Variants in MST1 observed in about 807,000 individuals in gnomAD.
MST1 encodes macrophage stimulating 1, also known as hepatocyte growth factor-like protein.
Under a neutral mutation model 100.1 loss-of-function variants are expected in MST1, and 76 were observed. The observed-to-expected ratio is 0.76, with a 90% confidence interval of 0.63 to 0.92. The LOEUF is 0.92. Among genes scored for constraint, MST1 ranks in the 40% least tolerant of loss-of-function variants. The pLI is 0.00. For synonymous variants in MST1, 352 were observed against 385.4 expected (o/e 0.91, Z 1.01); for missense variants, 850 against 990.0 (o/e 0.86, Z 1.90).
chr3:49,686,772 A>G lies in MST1; in HGVS notation c.759T>C (p.Tyr253=), dbSNP rs2053794190. ...KFLDQGLDDN[Y]CRNPDGSERP... ...GCTCGGAGCCGTCAGGATTCCGGCA[A>G]TAGTTGTCGTCCAGACCTTGGTCGA... Residue 253 remains tyrosine, a synonymous_variant, in exon 7 of 18, where the codon TAT becomes TAC. Transcript: ENST00000449682. 1.2e-6 allele frequency: 2 copies of G among 1,611,382 alleles called. No homozygotes were observed. Among genetic ancestry groups the G allele is most frequent in the African/African-American group, 1.3e-5 (1 of 74,988 alleles).
chr3:49,688,634 G>A lies in MST1; in HGVS notation c.58C>T (p.Leu20Phe), dbSNP rs1159962057. Residue 20 changes from leucine (L) to phenylalanine (F), a missense_variant, in exon 1 of 18, where the codon CTC becomes TTC. Leu to Phe is a conservative substitution (Grantham distance 22). Coordinates refer to ENST00000449682, the MANE Select transcript of MST1 (RefSeq NM_020998.4). ...AAGCATTGAGTCAGAAGCAGCAGGA[G>A]TGGGAGCCACCCCATCCTTCTGGCT... ...PPARRMGWLP[L>F]LLLLTQCLGV... 6.2e-7 allele frequency: 1 copy of A among 1,612,222 alleles called. No homozygotes were observed. Among genetic ancestry groups the A allele is most frequent in the Non-Finnish European group, 8.5e-7 (1 of 1,179,606 alleles).
rs1458657820 is a variant in MST1 at position 49,684,179 on chromosome 3, C to T, written c.2027G>A (p.Gly676Glu). 2 of 1,612,412 alleles carry T rather than the reference C, an allele frequency of 1.2e-6. No individual in the cohort carries two copies. The highest frequency in any genetic ancestry group is 1.7e-6 in the Non-Finnish European group (2 of 1,179,446). ...APVGACEGDY[G>E]GPLACFTHNC... ...GTGGGTAAAGCAGGCAAGTGGGCCC[C>T]CGTAGTCACCCTGGCAGGTAGGAGA... The change falls in exon 18 of 18, where the codon GGG (glycine) becomes GAG (glutamate). Residue 676 changes from glycine to glutamate, a missense_variant. Around this residue, in one of 2 missense-constraint regions of MST1, gnomAD observed 816 missense variants for 924.6 expected, o/e 0.88. Coordinates refer to ENST00000449682, the MANE Select transcript of MST1 (RefSeq NM_020998.4).
rs779031051 is a variant in MST1, at chr3:49,685,931, G to C, written c.1179C>G (p.Arg393=). 1.2e-6 allele frequency: 2 copies of C among 1,609,652 alleles called. No individual in the cohort carries two copies. Among genetic ancestry groups the C allele is most frequent in the South Asian group, 2.2e-5 (2 of 90,916 alleles). ...CCTTGCGGGTCTTGCTGACCGTGCC[G>C]CGGTACTGCTCCCCTGCGCCGTGGT... The part of the protein sequence containing the change: ...DCYHGAGEQY[R]GTVSKTRKGV... The change falls in exon 10 of 18, where the codon CGC becomes CGG. Residue 393 remains arginine (R), a synonymous_variant. Transcript: ENST00000449682.
At position 49,685,726 on chromosome 3, in the gene MST1, C is replaced by G. The variant is rs200822737; in HGVS notation, c.1257G>C (p.Thr419=). Residue 419 remains threonine (T), a synonymous_variant, in exon 11 of 18, where the codon ACG becomes ACC. Coordinates refer to ENST00000449682, the MANE Select transcript of MST1 (RefSeq NM_020998.4). ...GTTGTGCATGCGGTTCGGAGGTAAACGTGAACCTAGGCGGAAGCGGGAGCA... is the reference window on the plus strand; with the variant it reads ...GTTGTGCATGCGGTTCGGAGGTAAAGGTGAACCTAGGCGGAAGCGGGAGCA... ...SAETPHKPQF[T]FTSEPHAQLE... is the part of the protein sequence containing the mutation. 11 of 1,613,216 alleles carry G rather than the reference C, an allele frequency of 6.8e-6. No homozygotes were observed. The East Asian group carries it at 2.5e-4, about 36-fold the overall frequency.
Position 49,686,075 on chromosome 3 carries a change from G to A in MST1, c.1134C>T (p.Asp378=), listed in dbSNP as rs1415390527. 3 of 1,610,324 alleles carry A rather than the reference G, an allele frequency of 1.9e-6. No individual in the cohort carries two copies. The highest frequency in any genetic ancestry group is 2.5e-6 in the Non-Finnish European group (3 of 1,179,352). ...CTTGGGCCTCACCCTGGGGCCGCAC[G>A]TCGTCTGTACAACGCCGGATCTGGT... ...FCYQIRRCTD[D]VRPQDCYHGA... Residue 378 remains aspartate (D), a synonymous_variant, in exon 9 of 18, where the codon GAC becomes GAT. Coordinates refer to ENST00000449682, the MANE Select transcript of MST1 (RefSeq NM_020998.4).
Position 49,686,301 on chromosome 3 carries a change from C to T in MST1, c.1016+12G>A, listed in dbSNP as rs761910565. 2 of 1,414,526 alleles carry T rather than the reference C, an allele frequency of 1.4e-6. No homozygotes were observed. Among genetic ancestry groups the T allele is most frequent in the Admixed American group, 2.0e-5 (1 of 51,122 alleles). The allele number at this position is 1,414,526 out of a possible 1,614,324, so 87.6% of individuals were successfully genotyped here. A position where few individuals can be genotyped will look rare whatever the true frequency, so the allele number is the denominator to read the frequency against. ...AGCACGTCCCAACGCCCGCCCCCCC[C>T]CCCCACCTCACTTGCACGCGTATTT... On this transcript the variant is annotated intron_variant, in intron 8 of 17. Transcript: ENST00000449682.
Position 49,684,340 on chromosome 3 carries a change from G to A in MST1, c.1990C>T (p.Leu664=), listed in dbSNP as rs193164866. The A allele has an allele frequency of 4.7e-4, 753 of 1,613,190 alleles. 6 individuals carry two copies. In the East Asian group the frequency reaches 0.014, roughly 31 times the overall value. Residue 664 remains leucine (L), a synonymous_variant, in exon 17 of 18, where the codon CTG becomes TTG. Coordinates refer to ENST00000449682, the MANE Select transcript of MST1 (RefSeq NM_020998.4). ...VRESEMCTEG[L]LAPVGACEGD... ...TCACAGGCCCCCACAGGGGCCAACAGTCCCTCAGTGCACATCTCACTCTCC... is the reference window on the plus strand; with the variant it reads ...TCACAGGCCCCCACAGGGGCCAACAATCCCTCAGTGCACATCTCACTCTCC...
At chr3:49,686,017 C>T (rs766060089) in intron 9 of MST1, 45 bp downstream of exon 9, 383 of 1,604,640 alleles carry the variant, frequency 2.4e-4, no homozygotes, top group Non-Finnish European at 2.7e-4. Context: ...CCCTCCGGTT[C>T]CAGGCTTCCA....
rs2053924094 is a variant in MST1, at chr3:49,687,870, T to C, written c.122A>G (p.Gln41Arg). 2 of 1,613,502 alleles carry C rather than the reference T, an allele frequency of 1.2e-6. No homozygotes were observed. Among genetic ancestry groups the C allele is most frequent in the Admixed American group, 3.3e-5 (2 of 60,012 alleles). The change falls in exon 2 of 18, where the codon CAA becomes CGA. Residue 41 changes from glutamine to arginine, a missense_variant. Physicochemically the swap from Gln to Arg is conservative, Grantham distance 43. Around this residue, in one of 2 missense-constraint regions of MST1, gnomAD observed 34 missense variants for 65.5 expected, o/e 0.52. Transcript: ENST00000449682. ...PGQRSPLNDFQVLRGTELQHL... is the reference protein window; with the variant it reads ...PGQRSPLNDFRVLRGTELQHL... Reference sequence around the variant, plus strand: ...CTGTAGCTCTGTGCCCCGGAGCACTTGGAAGTCATTCAATGGCGAGCGCTG... The same window carrying C: ...CTGTAGCTCTGTGCCCCGGAGCACTCGGAAGTCATTCAATGGCGAGCGCTG...
Sources: allele counts gnomAD v4.1 joint callset, GRCh38; gene constraint gnomAD v4.1.1; regional missense constraint gnomAD v4.1.1; transcripts MANE v1.5; gene names NCBI Gene and HGNC (gene_info 2026-07-23, HGNC 2026-07-21).